CBARP: variants seen among roughly 807,000 people sequenced by gnomAD.
The protein encoded by CBARP is CACN subunit beta associated regulatory protein.
In CBARP, 24 loss-of-function variants were observed where a neutral mutation model predicts 36.3. The ratio of observed to expected loss-of-function variants is 0.66; its 90% CI spans 0.48 to 0.93. The LOEUF (loss-of-function observed/expected upper bound fraction) is 0.93. Among genes scored for constraint, CBARP ranks in the 40% least tolerant of loss-of-function variants. The pLI is 0.00. For missense variants in CBARP, 1,146 were observed against 980.4 expected, an observed-to-expected ratio of 1.17 and a Z score of -2.26; for synonymous variants, 586 against 453.2, an observed-to-expected ratio of 1.29 and a Z score of -3.72.
Position 1,234,336 on chromosome 19 carries a change from G to T in CBARP, c.628-5C>A. The T allele has an allele frequency of 6.9e-7, 1 of 1,442,552 alleles. No individual in the cohort carries two copies. The allele number at this position is 1,442,552 out of a possible 1,614,324, so 89.4% of individuals were successfully genotyped here. On this transcript the variant is annotated splice_region_variant and splice_polypyrimidine_tract_variant and intron_variant, in intron 6 of 9. Transcript: ENST00000650044. The stretch of plus-strand genomic sequence containing the variant: ...GGTGAGGGCCTTCCCCGGGGGCTGT[G>T]GGACAGAGCCAGGTGGGGGAGGAAG...
chr19:1,229,872 G>A lies in CBARP; in HGVS notation c.1425C>T (p.Gly475=), dbSNP rs2080866283. Reference sequence around the variant, plus strand: ...AGGGCGGCGGGAAGGCGGGCGCCGCGCCCCCGGAGCCTGAGCCCGAGCTGT... The same window carrying A: ...AGGGCGGCGGGAAGGCGGGCGCCGCACCCCCGGAGCCTGAGCCCGAGCTGT... ...SGDSSGSGSG[G]AAPAFPPPSP... Residue 475 remains glycine, a synonymous_variant, in exon 10 of 10, where the codon GGC becomes GGT. Coordinates refer to ENST00000650044, the MANE Select transcript of CBARP (RefSeq NM_001393918.1). This position sits in a 1 kb window ranked among gnomAD's most constrained non-coding sequence, Gnocchi z 5.1. The A allele has an allele frequency of 3.0e-6, 3 of 992,842 alleles. No homozygotes were observed. Among genetic ancestry groups the A allele is most frequent in the Non-Finnish European group, 2.4e-6 (2 of 834,482 alleles). 61.5% of individuals were successfully genotyped at this position (992,842 alleles called of 1,614,324 possible).
intron 4 of CBARP, 152 bp downstream of exon 4, chr19:1,235,349 G>T: frequency 1.8e-6 from 2 of 1,090,894 alleles, no homozygotes; most frequent in South Asian, 3.4e-5. Flanking sequence ...ACGCCTGGGC[G>T]TTAAGGAAAC....
rs2080904530 is a variant in CBARP, at chr19:1,232,297, G to A, written c.980-1022C>T. Among the ~76,000 whole-genome samples the A allele has an allele frequency of 7.2e-5, 11 of 152,232 alleles. No individual in the cohort carries two copies. The South Asian group carries it at 2.3e-3, about 32-fold the overall frequency. ...GAGGCCTTCCCCTCCCTGGCCCCTA[G>A]CTACCTTGGGGGTGGGGGCTGGGAG... On this transcript the variant is annotated intron_variant, in intron 8 of 9. Transcript: ENST00000650044.
At chr19:1,235,586 G>A in intron 3 of CBARP, 21 bp from the exon 4 acceptor site, 3 of 1,604,990 alleles carry the variant, frequency 1.9e-6, no homozygotes, top group Non-Finnish European at 2.6e-6. Context: ...CGTTGGGAGA[G>A]CCCAGTGGCA....
chr19:1,230,063 G>T lies in CBARP; in HGVS notation c.1234C>A (p.Gln412Lys). Residue 412 changes from glutamine (Q) to lysine (K), a missense_variant, in exon 10 of 10, where the codon CAG becomes AAG. Coordinates refer to ENST00000650044, the MANE Select transcript of CBARP (RefSeq NM_001393918.1). Reference protein sequence around the residue: ...ERGAGSAGPEQQQPPLEPDAE... With the variant: ...ERGAGSAGPEKQQPPLEPDAE... ...TCCGGCTCCAGTGGCGGCTGCTGCT[G>T]CTCAGGCCCCGCGCTGCCCGCGCCG... 8.3e-7 allele frequency: 1 copy of T among 1,201,304 alleles called. No homozygotes were observed. Among genetic ancestry groups the T allele is most frequent in the Non-Finnish European group, 1.1e-6 (1 of 949,832 alleles). The allele number at this position is 1,201,304 out of a possible 1,614,324, so 74.4% of individuals were successfully genotyped here.
At position 1,236,047 on chromosome 19, in the gene CBARP, AGTG is replaced by A. The variant is rs751898880; in HGVS notation, c.51_53del (p.Thr18del). ...ACGACGTCGTCAGGGCTACTGTGGC[AGTG>A]GTGGTGGTGGTGGTGGTGGCGGCTG... On this transcript the variant is annotated inframe_deletion, in exon 2 of 10. Coordinates refer to ENST00000650044, the MANE Select transcript of CBARP (RefSeq NM_001393918.1). 1,582 of 1,473,826 alleles carry A rather than the reference AGTG, an allele frequency of 1.1e-3. No individual in the cohort carries two copies. The highest frequency in any genetic ancestry group is 3.4e-3 in the Admixed American group (160 of 47,508). 91.3% of individuals were successfully genotyped at this position (1,473,826 alleles called of 1,614,324 possible).
intron 8 of CBARP, among the ~76,000 whole-genome samples, chr19:1,232,014 G>A (rs963047395): frequency 1.3e-5 from 2 of 152,080 alleles, no homozygotes; most frequent in African/African-American, 4.8e-5. Context: ...CAGGCTGGTG[G>A]GGGCCAACGA....
In CBARP at chr19:1,233,635, A is replaced by C. The variant is rs745953008; in HGVS notation, c.770T>G (p.Leu257Trp). The change falls in exon 8 of 10, where the codon TTG (leucine) becomes TGG (tryptophan). Residue 257 changes from leucine (L) to tryptophan (W), a missense_variant and splice_region_variant. Coordinates refer to ENST00000650044, the MANE Select transcript of CBARP (RefSeq NM_001393918.1). ...CTTGGTGCTCCTGGTACCGGCATCC[A>C]ACTGGCAGGGAACAGAGATGGCGCT... ...ASSDSGEGTS[L>W]DAGTRSTKAG... is the part of the protein sequence containing the mutation. 5.6e-6 allele frequency: 9 copies of C among 1,607,370 alleles called. No homozygotes were observed. Among genetic ancestry groups the C allele is most frequent in the Admixed American group, 3.4e-5 (2 of 59,638 alleles).
At chr19:1,235,370 C>G (rs1334561291) in intron 4 of CBARP, 131 bp downstream of exon 4, 1 of 1,156,690 alleles carries the variant, frequency 8.6e-7, no homozygotes, top group South Asian at 1.6e-5. Flanking sequence ...AGAGATGAGT[C>G]GGAATCGAGC....
At chr19:1,234,110 C>T in intron 7 of CBARP, 81 bp downstream of exon 7, 2 of 1,391,474 alleles carry the variant, frequency 1.4e-6, no homozygotes, top group Non-Finnish European at 1.9e-6. Flanking sequence ...CATAGGTTGA[C>T]CTTGGTCCTG....
intron 7 of CBARP, 119 bp from the exon 8 acceptor site, chr19:1,233,755 G>C: frequency 1.0e-6 from 1 of 1,000,256 alleles, no homozygotes; most frequent in East Asian, 2.6e-5. Context: ...GGGACAGAGA[G>C]GGGTACCTGC....
intron 9 of CBARP, chr19:1,230,795 G>A: frequency 7.0e-7 from 1 of 1,426,258 alleles, no homozygotes; most frequent in Non-Finnish European, 9.1e-7. Context: ...GAGGGCCTGG[G>A]ACCACAGCAG....
intron 1 of CBARP, among the ~76,000 whole-genome samples, chr19:1,236,916 G>A (rs1364098317): frequency 7.9e-5 from 12 of 151,152 alleles, no homozygotes; most frequent in Admixed American, 4.6e-4. Flanking sequence ...CCGCCTCCCC[G>A]CCGTGCCCAG....
At chr19:1,232,787 C>T (rs902532714) in intron 8 of CBARP, among the ~76,000 whole-genome samples, 5 of 152,264 alleles carry the variant, frequency 3.3e-5, no homozygotes, top group African/African-American at 9.6e-5. Context: ...CCTCTGACTG[C>T]TTCCTCGCCT....
intron 9 of CBARP, 148 bp downstream of exon 9, chr19:1,230,953 T>G: frequency 6.3e-7 from 1 of 1,576,736 alleles, no homozygotes; most frequent in Non-Finnish European, 8.6e-7. Context: ...CCCCAGTGAG[T>G]CCGCCTCTGG....
At chr19:1,231,046 A>AGG (rs1568731289) in intron 9 of CBARP, 55 bp downstream of exon 9, 1 of 1,557,992 alleles carries the variant, frequency 6.4e-7, no homozygotes, top group East Asian at 2.3e-5. Context: ...GGGGGGGCGA[A>AGG]GGGGGGCAAG....
In CBARP at chr19:1,230,097, G is replaced by A; in HGVS notation, c.1200C>T (p.Pro400=). 2 of 1,080,486 alleles carry A rather than the reference G, an allele frequency of 1.9e-6. No individual in the cohort carries two copies. Among genetic ancestry groups the A allele is most frequent in the Non-Finnish European group, 2.3e-6 (2 of 884,810 alleles). The allele number at this position is 1,080,486 out of a possible 1,614,324, so 66.9% of individuals were successfully genotyped here. The part of the protein sequence containing the change: ...EAAGGASPDS[P]PERGAGSAGP... ...CCGCGCTGCCCGCGCCGCGCTCCGG[G>A]GGGGAATCGGGGCTCGCTCCTCCCG... The change falls in exon 10 of 10, where the codon CCC becomes CCT. Residue 400 remains proline, a synonymous_variant. Coordinates refer to ENST00000650044, the MANE Select transcript of CBARP (RefSeq NM_001393918.1).
chr19:1,230,833 C>T, intron 9 of CBARP: 3 of 1,477,268 alleles, frequency 2.0e-6, no homozygotes, highest in Non-Finnish European at 1.8e-6. Context: ...ACTCCACCAG[C>T]AAGCAGCAGT....
intron 6 of CBARP, 79 bp downstream of exon 6, chr19:1,234,492 G>A (rs2080935865): frequency 3.4e-6 from 5 of 1,468,110 alleles, no homozygotes; most frequent in East Asian, 4.9e-5. Flanking sequence ...AAAAGAGTGG[G>A]TGAGGGCGTG....
Sources: allele counts gnomAD v4.1 joint callset (sites outside exome capture counted in the v4.1 genomes callset), GRCh38; gene constraint gnomAD v4.1.1; non-coding constraint Gnocchi (gnomAD v3.1); transcripts MANE v1.5; gene names NCBI Gene and HGNC (gene_info 2026-07-23, HGNC 2026-07-21).